The following ABCC9 variants were observed in gnomAD, a reference collection of about 807,000 sequenced individuals.
ABCC9 encodes the protein ATP-binding cassette sub-family C member 9.
Under a neutral mutation model 188.3 loss-of-function variants are expected in ABCC9, and 95 were observed. The observed-to-expected ratio is 0.50, with a 90% confidence interval of 0.43 to 0.60. The LOEUF is 0.60. ABCC9 is among the 20% of genes least tolerant of loss of function. The probability of loss-of-function intolerance (pLI) is 0.00; values close to 1 mark genes in which losing one functional copy is unlikely to be tolerated. For synonymous variants in ABCC9, 659 were observed against 652.7 expected (o/e 1.01, Z -0.15); for missense variants, 1,102 against 1,876.3 (o/e 0.59, Z 7.62).
intron 22 of ABCC9, among the ~76,000 whole-genome samples, chr12:21,857,760 C>A (rs1945299649): frequency 6.6e-6 from 1 of 152,246 alleles, no homozygotes; most frequent in East Asian, 1.9e-4. Context: ...AGAATGTAGG[C>A]AGCTTGTAAA....
intron 14 of ABCC9, among the ~76,000 whole-genome samples, chr12:21,890,125 G>T (rs1343561538): frequency 1.3e-5 from 2 of 152,058 alleles, no homozygotes; most frequent in African/African-American, 4.8e-5. Context: ...CTATTCATAC[G>T]AGGTCCTTTC....
chr12:21,802,217 G>T (rs1941486900), intron 39 of ABCC9, among the ~76,000 whole-genome samples: 1 of 152,150 alleles, frequency 6.6e-6, no homozygotes, highest in Non-Finnish European at 1.5e-5. Context: ...CCTCAGAGAA[G>T]GGTGATGAGG....
At chr12:21,810,251 G>C (rs1289658722) in intron 36 of ABCC9, among the ~76,000 whole-genome samples, 1 of 152,118 alleles carries the variant, frequency 6.6e-6, no homozygotes, top group South Asian at 2.1e-4. Context: ...ACTATGCTTA[G>C]TATAACCCAA....
chr12:21,894,989 G>A (rs1278369593), intron 13 of ABCC9, among the ~76,000 whole-genome samples: 6 of 152,134 alleles, frequency 3.9e-5, no homozygotes, highest in Admixed American at 6.5e-5. Flanking sequence ...GCAATGTTTT[G>A]ATTGTTGTAA....
At chr12:21,817,642 C>G (rs1017455264) in intron 32 of ABCC9, among the ~76,000 whole-genome samples, 4 of 152,062 alleles carry the variant, frequency 2.6e-5, no homozygotes, top group Admixed American at 6.6e-5. Context: ...GTGTACAACT[C>G]AGGACACGGA....
At chr12:21,838,514 G>T (rs1030038947) in intron 29 of ABCC9, among the ~76,000 whole-genome samples, 1 of 152,148 alleles carries the variant, frequency 6.6e-6, no homozygotes, top group Non-Finnish European at 1.5e-5. Context: ...GAATTTAGGC[G>T]AGACCTTAAG....
chr12:21,938,833 A>G (rs1949592330), intron 2 of ABCC9, among the ~76,000 whole-genome samples: 1 of 152,184 alleles, frequency 6.6e-6, no homozygotes. Flanking sequence ...CTTTGGATAA[A>G]TGTTGTGTGT....
At chr12:21,892,595 A>G (rs1274697138) in intron 14 of ABCC9, among the ~76,000 whole-genome samples, 1 of 152,210 alleles carries the variant, frequency 6.6e-6, no homozygotes, top group African/African-American at 2.4e-5. Context: ...AAATGAGGGC[A>G]GATGTGGCCA....
chr12:21,874,907 G>A (rs1189624782), intron 17 of ABCC9, among the ~76,000 whole-genome samples: 3 of 152,170 alleles, frequency 2.0e-5, no homozygotes, highest in Admixed American at 6.5e-5. Flanking sequence ...GGGGGAAAGG[G>A]AAAATGGGAA....
At chr12:21,881,196 T>C (rs899776975) in intron 16 of ABCC9, among the ~76,000 whole-genome samples, 2 of 152,168 alleles carry the variant, frequency 1.3e-5, no homozygotes, top group African/African-American at 4.8e-5. Flanking sequence ...ACAGCAGATA[T>C]ATGTGTTGGA....
chr12:21,858,237 G>A (rs1335375710), intron 22 of ABCC9, among the ~76,000 whole-genome samples: 1 of 151,956 alleles, frequency 6.6e-6, no homozygotes, highest in African/African-American at 2.4e-5. Flanking sequence ...TGATCCCAAG[G>A]TTCAAGAAGT....
intron 37 of ABCC9, 84 bp from the exon 38 acceptor site, chr12:21,807,563 G>GTT: frequency 6.4e-7 from 1 of 1,572,000 alleles, no homozygotes; most frequent in Non-Finnish European, 8.7e-7. Context: ...AACACATTAT[G>GTT]TTGTATGACA....
At position 21,863,055 on chromosome 12, in the gene ABCC9, C is replaced by T. The variant is rs141281214; in HGVS notation, c.2238-1G>A. ...ATATGCCACAGAGTACCTGTTCCTA[C>T]TGAAAAATGAAAAAGAAAAAAAAAA... On this transcript the variant is annotated splice_acceptor_variant, in intron 19 of 39. Coordinates refer to ENST00000261200, the MANE Select transcript of ABCC9 (RefSeq NM_020297.4). LOFTEE classifies it high-confidence loss of function. 7.6e-4 allele frequency: 1,206 copies of T among 1,588,992 alleles called. 9 individuals carry two copies. The highest frequency in any genetic ancestry group is 5.5e-3 in the South Asian group (492 of 90,108).
intron 15 of ABCC9, 29 bp from the exon 16 acceptor site, chr12:21,882,902 T>C (rs1250756705): frequency 6.4e-7 from 1 of 1,557,214 alleles, no homozygotes; most frequent in Admixed American, 1.7e-5. Context: ...AGAACACAAG[T>C]TGAGGCTTTA....
chr12:21,881,733 CAT>C lies in ABCC9; in HGVS notation c.2019+1031_2019+1032del, dbSNP rs1491373152. ...ACACACACACACACACACACACACA[CAT>C]TTTTTAAAGCTTTGTAAGTGATTCT... is the stretch of plus-strand genomic sequence containing the variant. On this transcript the variant is annotated intron_variant, in intron 16 of 39. Transcript: ENST00000261200. Among the ~76,000 whole-genome samples, 267 of 151,656 alleles carry C rather than the reference CAT, an allele frequency of 1.8e-3. 4 individuals carry two copies. The South Asian group carries it at 0.037, about 21-fold the overall frequency.
chr12:21,846,053 T>C (rs946844245), intron 25 of ABCC9, among the ~76,000 whole-genome samples: 6 of 152,160 alleles, frequency 3.9e-5, no homozygotes, highest in African/African-American at 1.4e-4. Flanking sequence ...AATCTACATC[T>C]GGATGAGACT....
chr12:21,923,321 T>C (rs1948912048), intron 5 of ABCC9: 1 of 150,876 alleles, frequency 6.6e-6, no homozygotes, highest in Admixed American at 6.6e-5. Context: ...CTTCTGCTCA[T>C]TAAAAGACCC....
chr12:21,852,380 C>T lies in ABCC9; in HGVS notation c.2631G>A (p.Thr877=), dbSNP rs139408145. ...VLVTHKLQYL[T]HADWIIAMKD... Reference sequence around the variant, plus strand: ...TCTAAACTCTTACCCAGTCAGCATGCGTCAGATACTGTAATTTGTGAGTCA... The same window carrying T: ...TCTAAACTCTTACCCAGTCAGCATGTGTCAGATACTGTAATTTGTGAGTCA... Residue 877 remains threonine (T), a synonymous_variant, in exon 23 of 40, where the codon ACG becomes ACA. Coordinates refer to ENST00000261200, the MANE Select transcript of ABCC9 (RefSeq NM_020297.4). The T allele has an allele frequency of 3.0e-3, 4,859 of 1,613,838 alleles. 166 individuals are homozygous for T. In the Admixed American group the frequency reaches 0.06, roughly 20 times the overall value.
intron 29 of ABCC9, among the ~76,000 whole-genome samples, chr12:21,839,367 C>T (rs935189177): frequency 6.6e-6 from 1 of 152,086 alleles, no homozygotes; most frequent in African/African-American, 2.4e-5. Context: ...GTCAGGGGCA[C>T]AGAAAGAAGA....
Sources: gnomAD v4.1 joint callset for allele counts (sites outside exome capture counted in the v4.1 genomes callset) on GRCh38, gnomAD v4.1.1 for gene constraint, MANE v1.5 for transcripts, NCBI Gene and HGNC (gene_info 2026-07-23, HGNC 2026-07-21) for gene names.